PAFAH1B3: variants seen among roughly 807,000 people sequenced by gnomAD.
PAFAH1B3 encodes platelet activating factor acetylhydrolase 1b catalytic subunit 3, also known as platelet-activating factor acetylhydrolase IB subunit alpha1.
In PAFAH1B3, 15 loss-of-function variants were observed where a neutral mutation model predicts 24.4. That is an observed-to-expected ratio of 0.62 (90% CI 0.41 to 0.95). The LOEUF (loss-of-function observed/expected upper bound fraction) is 0.95. Among genes scored for constraint, PAFAH1B3 ranks in the 40% least tolerant of loss-of-function variants. PAFAH1B3 has a pLI of 0.00. For synonymous variants in PAFAH1B3, 144 were observed against 126.5 expected (o/e 1.14, Z -0.93); for missense variants, 266 against 312.2 (o/e 0.85, Z 1.12).
chr19:42,299,219 C>G (rs1000004409), intron 4 of PAFAH1B3, among the ~76,000 whole-genome samples: 3 of 151,518 alleles, frequency 2.0e-5, no homozygotes. Context: ...TGGGTTCAAG[C>G]GATTCTCCTG....
At position 42,302,381 on chromosome 19, in the gene PAFAH1B3, G is replaced by GTT; in HGVS notation, c.-73_-72insAA. On this transcript the variant is annotated 5_prime_UTR_variant, in exon 1 of 5. Transcript: ENST00000262890. The stretch of plus-strand genomic sequence containing the variant: ...GAGTGTTCCGAACGGAGCTGGCTCC[G>GTT]CCACGCCCACTCCTACCCCTCGCGG... 1 of 1,378,522 alleles carries GTT rather than the reference G, an allele frequency of 7.3e-7. No homozygotes were observed. Among genetic ancestry groups the GTT allele is most frequent in the Non-Finnish European group, 9.9e-7 (1 of 1,009,256 alleles). The allele number at this position is 1,378,522 out of a possible 1,614,324, so 85.4% of individuals were successfully genotyped here.
chr19:42,298,224 C>T (rs1167549661), intron 4 of PAFAH1B3, among the ~76,000 whole-genome samples: 1 of 152,142 alleles, frequency 6.6e-6, no homozygotes, highest in African/African-American at 2.4e-5. Context: ...AGGGAGGTTG[C>T]TCACGCCTGT....
At position 42,297,075 on chromosome 19, in the gene PAFAH1B3, T is replaced by G. The variant is rs932202716; in HGVS notation, c.*3A>C. The G allele has an allele frequency of 1.3e-6, 2 of 1,595,336 alleles. No homozygotes were observed. The highest frequency in any genetic ancestry group is 1.3e-5 in the African/African-American group (1 of 74,732). On this transcript the variant is annotated 3_prime_UTR_variant, in exon 5 of 5. Transcript: ENST00000262890. ...TTAATGTTGTGGGAAGGCAGCAGGA[T>G]GCTTAGGGTGCGGGCTCCAGCAGGG...
In PAFAH1B3 at chr19:42,299,830, T is replaced by G. The variant is rs868139993; in HGVS notation, c.408+140A>C. On this transcript the variant is annotated intron_variant, in intron 4 of 4. Coordinates refer to ENST00000262890, the MANE Select transcript of PAFAH1B3 (RefSeq NM_002573.4). ...TCTCAACCACAGCCACTCTGAAGGGTATAGCAAGCTCCAACGTGAGATTCT... is the reference window on the plus strand; with the variant it reads ...TCTCAACCACAGCCACTCTGAAGGGGATAGCAAGCTCCAACGTGAGATTCT... 20 of 1,074,356 alleles carry G rather than the reference T, an allele frequency of 1.9e-5. No homozygotes were observed. In the African/African-American group the frequency reaches 2.0e-4, roughly 11 times the overall value. The allele number at this position is 1,074,356 out of a possible 1,614,324, so 66.6% of individuals were successfully genotyped here.
chr19:42,302,265 C>G lies in PAFAH1B3; in HGVS notation c.45G>C (p.Gln15His). The change falls in exon 1 of 5, where the codon CAG becomes CAC. Residue 15 changes from glutamine to histidine, a missense_variant. By Grantham distance (24) the Gln-to-His change is conservative. Coordinates refer to ENST00000262890, the MANE Select transcript of PAFAH1B3 (RefSeq NM_002573.4). ...TCCAGCGCCCGTCGCCCTGTACGTCCTGCACCGGCGTGGGCTTGCTGGCTG... is the reference window on the plus strand; with the variant it reads ...TCCAGCGCCCGTCGCCCTGTACGTCGTGCACCGGCGTGGGCTTGCTGGCTG... ...ENPASKPTPVQDVQGDGRWMS... is the reference protein window; with the variant it reads ...ENPASKPTPVHDVQGDGRWMS... 5 of 1,607,126 alleles carry G rather than the reference C, an allele frequency of 3.1e-6. No homozygotes were observed. The highest frequency in any genetic ancestry group is 4.2e-6 in the Non-Finnish European group (5 of 1,177,320).
intron 2 of PAFAH1B3, among the ~76,000 whole-genome samples, chr19:42,300,832 G>C (rs2038611210): frequency 6.8e-6 from 1 of 148,144 alleles, no homozygotes; most frequent in African/African-American, 2.5e-5. Flanking sequence ...TTTATTTTTT[G>C]AGACGGAGTT....
Position 42,299,929 on chromosome 19 carries a change from A to G in PAFAH1B3, c.408+41T>C, listed in dbSNP as rs377017790. 4 of 1,611,614 alleles carry G rather than the reference A, an allele frequency of 2.5e-6. No homozygotes were observed. The African/African-American group carries it at 5.3e-5, about 22-fold the overall frequency. On this transcript the variant is annotated intron_variant, in intron 4 of 4. Transcript: ENST00000262890. Reference sequence around the variant, plus strand: ...GTGGCTATATCTGAGGGGGTCCCAGACCACTGCCATTCTTCCTTTCCCACT... The same window carrying G: ...GTGGCTATATCTGAGGGGGTCCCAGGCCACTGCCATTCTTCCTTTCCCACT...
At position 42,300,358 on chromosome 19, in the gene PAFAH1B3, C is replaced by T. The variant is rs536210503; in HGVS notation, c.169-71G>A. ...GGCACTGTCCGCATGGACCATCCCC[C>T]TCTGTCCAGGTGTTAACCAAATGCC... On this transcript the variant is annotated intron_variant, in intron 2 of 4. Coordinates refer to ENST00000262890, the MANE Select transcript of PAFAH1B3 (RefSeq NM_002573.4). 5.3e-6 allele frequency: 7 copies of T among 1,310,564 alleles called. No individual in the cohort carries two copies. In the East Asian group the frequency reaches 9.2e-5, roughly 17 times the overall value. The allele number at this position is 1,310,564 out of a possible 1,614,324, so 81.2% of individuals were successfully genotyped here. A position where few individuals can be genotyped will look rare whatever the true frequency, so the allele number is the denominator to read the frequency against.
intron 2 of PAFAH1B3, 74 bp downstream of exon 2, chr19:42,301,876 G>T: frequency 8.0e-7 from 1 of 1,247,398 alleles, no homozygotes; most frequent in Non-Finnish European, 1.1e-6. Flanking sequence ...ACCTCACCTG[G>T]CCTGGGTTCT....
Position 42,297,496 on chromosome 19 carries a change from G to A in PAFAH1B3, c.409-131C>T, listed in dbSNP as rs1210592863. 11 of 613,974 alleles carry A rather than the reference G, an allele frequency of 1.8e-5. 2 individuals carry two copies. Among genetic ancestry groups the A allele is most frequent in the Non-Finnish European group, 3.2e-5 (11 of 342,648 alleles). The allele number at this position is 613,974 out of a possible 1,614,324, so 38.0% of individuals were successfully genotyped here. On this transcript the variant is annotated intron_variant, in intron 4 of 4. Coordinates refer to ENST00000262890, the MANE Select transcript of PAFAH1B3 (RefSeq NM_002573.4). ...ACACTAGGGATGGGCAAGTGGGGAG[G>A]GTGGGAGGGTAGTTCCTAAATATCA...
chr19:42,297,086 C>T lies in PAFAH1B3; in HGVS notation c.688G>A (p.Ala230Thr), dbSNP rs570981778. Reference protein sequence around the residue: ...QGQGAPLLEPAP With the variant: ...QGQGAPLLEPTP ...GGAAGGCAGCAGGATGCTTAGGGTG[C>T]GGGCTCCAGCAGGGGAGCACCTTGG... Residue 230 changes from alanine to threonine, a missense_variant, in exon 5 of 5, where the codon GCA becomes ACA. Physicochemically the swap from Ala to Thr is moderately conservative, Grantham distance 58. Transcript: ENST00000262890. The T allele has an allele frequency of 2.3e-5, 36 of 1,599,224 alleles. No homozygotes were observed. Among genetic ancestry groups the T allele is most frequent in the South Asian group, 1.8e-4 (16 of 90,696 alleles).
chr19:42,297,912 T>C (rs993508521), intron 4 of PAFAH1B3, among the ~76,000 whole-genome samples: 8 of 151,762 alleles, frequency 5.3e-5, no homozygotes, highest in Non-Finnish European at 1.0e-4. Context: ...ATGTTGACAT[T>C]GGCTAGGTTC....
At chr19:42,299,876 T>C in intron 4 of PAFAH1B3, 94 bp downstream of exon 4, 5 of 1,518,536 alleles carry the variant, frequency 3.3e-6, no homozygotes, top group Non-Finnish European at 3.6e-6. Flanking sequence ...CACTGCTCTA[T>C]GTCAAGCTGC....
chr19:42,299,917 AG>A, intron 4 of PAFAH1B3, 52 bp downstream of exon 4: 1 of 1,609,092 alleles, frequency 6.2e-7, no homozygotes, highest in Non-Finnish European at 8.5e-7. Flanking sequence ...GCTATATCTG[AG>A]GGGGTCCCAG....
At chr19:42,299,583 G>A (rs1324893583) in intron 4 of PAFAH1B3, among the ~76,000 whole-genome samples, 1 of 151,856 alleles carries the variant, frequency 6.6e-6, no homozygotes, top group Non-Finnish European at 1.5e-5. Flanking sequence ...CCGCCACCAC[G>A]CCCGGCTAAT....
intron 2 of PAFAH1B3, among the ~76,000 whole-genome samples, chr19:42,301,175 T>C (rs943308105): frequency 2.6e-5 from 4 of 152,174 alleles, no homozygotes; most frequent in Non-Finnish European, 4.4e-5. Flanking sequence ...GTGGGCGGAC[T>C]GCTTGAGCCC....
intron 4 of PAFAH1B3, among the ~76,000 whole-genome samples, chr19:42,298,490 AAAAT>A (rs561121109): frequency 1.3e-5 from 2 of 152,296 alleles, no homozygotes; most frequent in Admixed American, 6.5e-5. Flanking sequence ...ACTCTGTCCC[AAAAT>A]AAATAAATAA....
intron 4 of PAFAH1B3, among the ~76,000 whole-genome samples, chr19:42,299,664 G>A (rs1369426732): frequency 1.3e-5 from 2 of 151,884 alleles, no homozygotes; most frequent in African/African-American, 4.8e-5. Context: ...TCCTGACCTC[G>A]TGATCCACCT....
In PAFAH1B3 at chr19:42,302,570, C is replaced by G. The variant is rs1228866895; in HGVS notation, c.-261G>C. 4 of 438,704 alleles carry G rather than the reference C, an allele frequency of 9.1e-6. No homozygotes were observed. The highest frequency in any genetic ancestry group is 1.6e-5 in the Non-Finnish European group (4 of 243,262). The allele number at this position is 438,704 out of a possible 1,614,324, so 27.2% of individuals were successfully genotyped here. ...CACAGTGGGCTCGCCCGGCGCTTCC[C>G]GCTCGGGCCGCTGACTCCCAGGCCG... On this transcript the variant is annotated 5_prime_UTR_variant, in exon 1 of 5. Transcript: ENST00000262890.
Sources: gnomAD v4.1 joint callset for allele counts (sites outside exome capture counted in the v4.1 genomes callset) on GRCh38, gnomAD v4.1.1 for gene constraint, MANE v1.5 for transcripts, NCBI Gene and HGNC (gene_info 2026-07-23, HGNC 2026-07-21) for gene names.